ADAMTS17: variants seen among roughly 807,000 people sequenced by gnomAD.
The protein encoded by ADAMTS17 is A disintegrin and metalloproteinase with thrombospondin motifs 17.
Under a neutral mutation model 141.5 loss-of-function variants are expected in ADAMTS17, and 113 were observed. That is an observed-to-expected ratio of 0.80 (90% CI 0.69 to 0.93). ADAMTS17 has a LOEUF of 0.93. Among genes scored for constraint, ADAMTS17 ranks in the 40% least tolerant of loss-of-function variants. ADAMTS17 has a pLI of 0.00. For synonymous variants in ADAMTS17, 768 were observed against 630.6 expected, an observed-to-expected ratio of 1.22 and a Z score of -3.27; for missense variants, 1,659 against 1,517.9, an observed-to-expected ratio of 1.09 and a Z score of -1.54.
At chr15:100,042,539 C>T (rs2031342876) in intron 18 of ADAMTS17, among the ~76,000 whole-genome samples, 1 of 152,178 alleles carries the variant, frequency 6.6e-6, no homozygotes, top group Non-Finnish European at 1.5e-5. Context: ...AAGTTGAAGA[C>T]GTTTACCTTT....
At chr15:100,302,498 C>G (rs937494148) in intron 3 of ADAMTS17, among the ~76,000 whole-genome samples, 2 of 152,162 alleles carry the variant, frequency 1.3e-5, no homozygotes, top group Non-Finnish European at 2.9e-5. Flanking sequence ...TTTTCTTCAA[C>G]AACTGCACCA....
At chr15:100,150,703 G>A (rs6598307) in intron 10 of ADAMTS17, among the ~76,000 whole-genome samples, 150,872 of 152,190 alleles carry the variant, frequency 0.99, 74,796 homozygotes, top group East Asian at 1. Context: ...GCCCTGTAGG[G>A]CCAGCTCAGC....
At chr15:100,021,317 C>A (rs2061403363) in intron 18 of ADAMTS17, among the ~76,000 whole-genome samples, 1 of 152,164 alleles carries the variant, frequency 6.6e-6, no homozygotes, top group African/African-American at 2.4e-5. Flanking sequence ...GGGTTAGGAT[C>A]TGGGCGTCAT....
rs777329258 is a variant in ADAMTS17 at position 99,974,459 on chromosome 15, G to A, written c.3231C>T (p.Cys1077=). 2.4e-5 allele frequency: 38 copies of A among 1,614,220 alleles called. No homozygotes were observed. Among genetic ancestry groups the A allele is most frequent in the Non-Finnish European group, 2.8e-5 (33 of 1,180,044 alleles). ...CQDMRWYQRC[C]QTCRDFYANK... ...TTGCATAGAAGTCCCTGCAGGTCTG[G>A]CAGCAGCGCTGGTACCACCGCATGT... The change falls in exon 22 of 22, where the codon TGC becomes TGT. Residue 1077 remains cysteine, a synonymous_variant. Transcript: ENST00000268070.
At chr15:100,064,070 T>A (rs529489347) in intron 15 of ADAMTS17, among the ~76,000 whole-genome samples, 2 of 150,712 alleles carry the variant, frequency 1.3e-5, no homozygotes, top group Non-Finnish European at 3.0e-5. Context: ...TAAGATGAGG[T>A]CATCCTGGAG....
chr15:100,041,673 G>C (rs973479284), intron 18 of ADAMTS17, among the ~76,000 whole-genome samples: 1 of 152,212 alleles, frequency 6.6e-6, no homozygotes, highest in Non-Finnish European at 1.5e-5. Context: ...TTTTGTGTTG[G>C]TGTGTGAGAT....
At chr15:100,341,446 C>A in intron 1 of ADAMTS17, 37 bp from the exon 2 acceptor site, 1 of 1,010,138 alleles carries the variant, frequency 9.9e-7, no homozygotes, top group Non-Finnish European at 1.2e-6. Flanking sequence ...CGCGGCGGGG[C>A]CCGCCCGGAC....
At chr15:100,283,298 T>C (rs1312594603) in intron 3 of ADAMTS17, among the ~76,000 whole-genome samples, 5 of 152,224 alleles carry the variant, frequency 3.3e-5, no homozygotes, top group African/African-American at 1.2e-4. Flanking sequence ...AAAATCAAGG[T>C]CCTAGGTGGC....
Position 100,165,079 on chromosome 15 carries a change from C to G in ADAMTS17, c.1182-9759G>C, listed in dbSNP as rs2141436176. On this transcript the variant is annotated intron_variant, in intron 8 of 21. Transcript: ENST00000268070. ...TTCAGAGTGTATGCAGTAGCCTGGA[C>G]TTGGTAAAAGCTCAAGGGACATTGG... is the stretch of plus-strand genomic sequence containing the variant. 2.0e-5 allele frequency among the ~76,000 whole-genome samples: 3 copies of G among 152,316 alleles called. No homozygotes were observed. The South Asian group carries it at 6.2e-4, about 32-fold the overall frequency.
intron 2 of ADAMTS17, among the ~76,000 whole-genome samples, chr15:100,339,416 T>A (rs1433464360): frequency 2.0e-5 from 3 of 152,148 alleles, no homozygotes; most frequent in African/African-American, 4.8e-5. Flanking sequence ...TACAGTACAA[T>A]GATGTGACTT....
chr15:100,162,790 A>T (rs1353065533), intron 8 of ADAMTS17, among the ~76,000 whole-genome samples: 3 of 146,320 alleles, frequency 2.1e-5, no homozygotes, highest in Non-Finnish European at 4.5e-5. Context: ...ACATATGCAC[A>T]TATACACAGT....
intron 18 of ADAMTS17, among the ~76,000 whole-genome samples, chr15:100,036,103 T>C (rs2030683887): frequency 6.6e-6 from 1 of 152,188 alleles, no homozygotes; most frequent in Non-Finnish European, 1.5e-5. Context: ...AGATGATGGC[T>C]GGCCCAGGGA....
chr15:100,136,823 G>T (rs1050379115), intron 10 of ADAMTS17, among the ~76,000 whole-genome samples: 2 of 152,162 alleles, frequency 1.3e-5, no homozygotes, highest in African/African-American at 2.4e-5. Context: ...AAAATAATGA[G>T]CCCAGAGGCG....
intron 18 of ADAMTS17, among the ~76,000 whole-genome samples, chr15:100,041,317 C>T (rs779392115): frequency 9.9e-5 from 15 of 152,214 alleles, no homozygotes; most frequent in Non-Finnish European, 2.2e-4. Flanking sequence ...AAGTTCAAAT[C>T]ATAAATACCA....
chr15:100,184,439 T>C (rs2141550911), intron 8 of ADAMTS17, among the ~76,000 whole-genome samples: 1 of 152,342 alleles, frequency 6.6e-6, no homozygotes, highest in South Asian at 2.1e-4. Flanking sequence ...TATCATTTTA[T>C]TGTTGTTGTT....
intron 15 of ADAMTS17, among the ~76,000 whole-genome samples, chr15:100,066,801 A>G (rs1456446075): frequency 1.4e-5 from 2 of 138,662 alleles, no homozygotes; most frequent in Admixed American, 1.5e-4. Context: ...GTCTTCCCTT[A>G]TGATATTGAG....
intron 7 of ADAMTS17, among the ~76,000 whole-genome samples, chr15:100,248,124 C>T (rs1033111813): frequency 2.6e-5 from 4 of 152,186 alleles, no homozygotes; most frequent in African/African-American, 9.6e-5. Context: ...TCAACCCGGC[C>T]TTCAGCCTGC....
At chr15:100,141,684 G>A (rs1006111912) in intron 10 of ADAMTS17, among the ~76,000 whole-genome samples, 1 of 152,216 alleles carries the variant, frequency 6.6e-6, no homozygotes, top group African/African-American at 2.4e-5. Flanking sequence ...CCGGGTGAGG[G>A]TGGGGCCCAG....
intron 4 of ADAMTS17, among the ~76,000 whole-genome samples, chr15:100,264,971 T>A (rs1001021375): frequency 6.6e-6 from 1 of 152,234 alleles, no homozygotes; most frequent in Non-Finnish European, 1.5e-5. Flanking sequence ...AAGTGTATTT[T>A]ACTACAATTA....
Sources: gnomAD v4.1 joint callset for allele counts (sites outside exome capture counted in the v4.1 genomes callset) on GRCh38, gnomAD v4.1.1 for gene constraint, MANE v1.5 for transcripts, NCBI Gene and HGNC (gene_info 2026-07-23, HGNC 2026-07-21) for gene names.